Variants in SNTB1 observed in about 807,000 individuals in gnomAD.
The protein encoded by SNTB1 is syntrophin beta 1.
Under a neutral mutation model 48.9 loss-of-function variants are expected in SNTB1, and 36 were observed. The observed-to-expected ratio is 0.74, with a 90% CI of 0.56 to 0.97. The LOEUF (loss-of-function observed/expected upper bound fraction) is 0.97. SNTB1 is among the 50% of genes least tolerant of loss of function. The pLI, the probability that SNTB1 is intolerant of heterozygous loss-of-function variation, is 0.00. For missense variants in SNTB1, 786 were observed against 703.4 expected (o/e 1.12, Z -1.33); for synonymous variants, 299 against 294.6 (o/e 1.01, Z -0.15).
chr8:120,578,009 A>G (rs1279712320), intron 3 of SNTB1, among the ~76,000 whole-genome samples: 1 of 152,038 alleles, frequency 6.6e-6, no homozygotes, highest in African/African-American at 2.4e-5. Context: ...CAAAGGGGGG[A>G]AAAATCATGT....
At chr8:120,638,370 T>C (rs751732081) in intron 2 of SNTB1, among the ~76,000 whole-genome samples, 2 of 152,264 alleles carry the variant, frequency 1.3e-5, no homozygotes, top group South Asian at 2.1e-4. Flanking sequence ...GGCATGACTA[T>C]GCTACAGAAA....
chr8:120,686,247 C>A (rs1818030688), intron 2 of SNTB1, among the ~76,000 whole-genome samples: 1 of 152,184 alleles, frequency 6.6e-6, no homozygotes, highest in Non-Finnish European at 1.5e-5. Flanking sequence ...TATAGCAACA[C>A]CCCAATTCTG....
In SNTB1 at chr8:120,587,243, G is replaced by A. The variant is rs62526666; in HGVS notation, c.997-12018C>T. The stretch of plus-strand genomic sequence containing the variant: ...CTCAAAAACAAAACAAAACAAAACA[G>A]ACAAACAAACAAAAAAACCCAACAA... On this transcript the variant is annotated intron_variant, in intron 3 of 6. Coordinates refer to ENST00000517992, the MANE Select transcript of SNTB1 (RefSeq NM_021021.4). Among the ~76,000 whole-genome samples, 195 of 70,388 alleles carry A rather than the reference G, an allele frequency of 2.8e-3. 1 individual carries two copies. Among genetic ancestry groups the A allele is most frequent in the South Asian group, 6.3e-3 (16 of 2,558 alleles). The allele number at this position is 70,388 out of a possible 152,430, so 46.2% of individuals were successfully genotyped here. A position where few individuals can be genotyped will look rare whatever the true frequency, so the allele number is the denominator to read the frequency against.
intron 2 of SNTB1, 52 bp from the exon 3 acceptor site, chr8:120,632,703 C>G: frequency 6.7e-7 from 1 of 1,488,742 alleles, no homozygotes; most frequent in Non-Finnish European, 9.3e-7. Context: ...GGTCCTGCTT[C>G]GTCAAGATCT....
chr8:120,614,601 C>G (rs1358130524), intron 3 of SNTB1, among the ~76,000 whole-genome samples: 1 of 152,208 alleles, frequency 6.6e-6, no homozygotes, highest in Non-Finnish European at 1.5e-5. Context: ...TGCCACATGG[C>G]CACGCCTGGA....
At chr8:120,560,347 G>A (rs1217055331) in intron 4 of SNTB1, among the ~76,000 whole-genome samples, 6 of 152,154 alleles carry the variant, frequency 3.9e-5, no homozygotes, top group African/African-American at 1.4e-4. Flanking sequence ...GTCAGGCTTG[G>A]TGGCGGGCAC....
At chr8:120,749,344 G>C (rs1403388266) in intron 1 of SNTB1, among the ~76,000 whole-genome samples, 1 of 152,122 alleles carries the variant, frequency 6.6e-6, no homozygotes, top group Admixed American at 6.6e-5. Context: ...ATCTAGTTGT[G>C]GCCAAGGCTA....
chr8:120,702,144 T>A (rs1358062562), intron 1 of SNTB1, among the ~76,000 whole-genome samples: 2 of 152,200 alleles, frequency 1.3e-5, no homozygotes, highest in African/African-American at 2.4e-5. Flanking sequence ...ATTGGAATAG[T>A]CACAGTGAAT....
At chr8:120,761,412 T>C (rs1420588883) in intron 1 of SNTB1, 1 of 152,206 alleles carries the variant, frequency 6.6e-6, no homozygotes, top group Non-Finnish European at 1.5e-5. Flanking sequence ...TTAACTCCTA[T>C]GTTAGCAGCT....
chr8:120,806,535 A>T (rs1820340085), intron 1 of SNTB1, among the ~76,000 whole-genome samples: 1 of 152,186 alleles, frequency 6.6e-6, no homozygotes, highest in African/African-American at 2.4e-5. Flanking sequence ...TTGATGTTTA[A>T]ACTTAAAGTA....
chr8:120,572,401 C>A (rs1331633704), intron 4 of SNTB1, among the ~76,000 whole-genome samples: 1 of 152,152 alleles, frequency 6.6e-6, no homozygotes, highest in Non-Finnish European at 1.5e-5. Flanking sequence ...TCATGCCTAG[C>A]TTGCAGGTAA....
chr8:120,717,098 G>C (rs895035162), intron 1 of SNTB1, among the ~76,000 whole-genome samples: 1 of 152,204 alleles, frequency 6.6e-6, no homozygotes, highest in Non-Finnish European at 1.5e-5. Flanking sequence ...CCTTAAGAAA[G>C]GTGGTTCAGA....
Position 120,811,359 on chromosome 8 carries a change from G to C in SNTB1, c.485C>G (p.Ser162Cys), listed in dbSNP as rs1222673090. ...QALYVGDAILSVNGADLRDAT... is the reference protein window; with the variant it reads ...QALYVGDAILCVNGADLRDAT... The stretch of plus-strand genomic sequence containing the variant: ...GTCCCGCAGGTCGGCTCCGTTCACG[G>C]ACAGGATGGCGTCGCCCACGTACAG... Residue 162 changes from serine to cysteine, a missense_variant, in exon 1 of 7, where the codon TCC becomes TGC. Coordinates refer to ENST00000517992, the MANE Select transcript of SNTB1 (RefSeq NM_021021.4). 2 of 1,613,606 alleles carry C rather than the reference G, an allele frequency of 1.2e-6. No individual in the cohort carries two copies. Among genetic ancestry groups the C allele is most frequent in the Non-Finnish European group, 1.7e-6 (2 of 1,179,912 alleles).
At chr8:120,644,981 A>G (rs1817262128) in intron 2 of SNTB1, among the ~76,000 whole-genome samples, 1 of 151,534 alleles carries the variant, frequency 6.6e-6, no homozygotes, top group African/African-American at 2.4e-5. Context: ...GTGTCTGTTC[A>G]TGTCCTTCGC....
intron 2 of SNTB1, among the ~76,000 whole-genome samples, chr8:120,663,034 A>G (rs1176841759): frequency 2.1e-5 from 3 of 142,532 alleles, no homozygotes; most frequent in Non-Finnish European, 3.1e-5. Flanking sequence ...TGGGGGGGGT[A>G]TTTGGGTGGT....
At chr8:120,808,442 CA>C (rs1179051887) in intron 1 of SNTB1, among the ~76,000 whole-genome samples, 3 of 151,548 alleles carry the variant, frequency 2.0e-5, no homozygotes, top group African/African-American at 7.3e-5. Context: ...CACCATAGTA[CA>C]AAAAAAGTGT....
At position 120,666,483 on chromosome 8, in the gene SNTB1, T is replaced by C. The variant is rs906162672; in HGVS notation, c.788+27209A>G. On this transcript the variant is annotated intron_variant, in intron 2 of 6. Coordinates refer to ENST00000517992, the MANE Select transcript of SNTB1 (RefSeq NM_021021.4). ...CTCTTATTATAGATTAGTTTGCATG[T>C]GTAATGTGTCTTTTTTCTTCGGTGG... is the stretch of plus-strand genomic sequence containing the variant. Among the ~76,000 whole-genome samples, 20 of 152,338 alleles carry C rather than the reference T, an allele frequency of 1.3e-4. 1 individual carries two copies. Among genetic ancestry groups the C allele is most frequent in the African/African-American group, 4.6e-4 (19 of 41,584 alleles).
At chr8:120,797,047 T>G (rs913096731) in intron 1 of SNTB1, among the ~76,000 whole-genome samples, 1 of 152,082 alleles carries the variant, frequency 6.6e-6, no homozygotes, top group African/African-American at 2.4e-5. Context: ...TTAAAAAGTT[T>G]CTTTCAGATA....
At chr8:120,658,705 T>G (rs931480881) in intron 2 of SNTB1, among the ~76,000 whole-genome samples, 1 of 152,216 alleles carries the variant, frequency 6.6e-6, no homozygotes, top group Non-Finnish European at 1.5e-5. Context: ...TTTTTGCTGG[T>G]GGAGGGCCTT....
Sources: gnomAD v4.1 joint callset for allele counts (sites outside exome capture counted in the v4.1 genomes callset) on GRCh38, gnomAD v4.1.1 for gene constraint, MANE v1.5 for transcripts, NCBI Gene and HGNC (gene_info 2026-07-23, HGNC 2026-07-21) for gene names.